XIRP2: variants seen among roughly 807,000 people sequenced by gnomAD.
XIRP2 encodes the protein xin actin binding repeat containing 2, also known as xin actin-binding repeat-containing protein 2.
XIRP2 carries 236 observed loss-of-function variants against 277.0 expected under a neutral mutation model. The observed-to-expected ratio is 0.85, with a 90% confidence interval of 0.77 to 0.95. The LOEUF is 0.95. Among genes scored for constraint, XIRP2 ranks in the 40% least tolerant of loss-of-function variants. The pLI, the probability that XIRP2 is intolerant of heterozygous loss-of-function variation, is 0.00. For missense variants in XIRP2, 4,640 were observed against 4,157.5 expected (o/e 1.12, Z -3.19); for synonymous variants, 1,490 against 1,416.5 (o/e 1.05, Z -1.17).
intron 2 of XIRP2, among the ~76,000 whole-genome samples, chr2:167,010,266 C>T: frequency 6.6e-6 from 1 of 151,902 alleles, no homozygotes; most frequent in Non-Finnish European, 1.5e-5. Flanking sequence ...AGGAAGGGAT[C>T]CAGTTTCAGC....
At position 167,244,494 on chromosome 2, in the gene XIRP2, T is replaced by G; in HGVS notation, c.3102T>G (p.His1034Gln). ...RPIDQFDESI[H>Q]KFQIIRGISA... ...TTGACCAGTTTGATGAAAGCATTCA[T>G]AAATTTCAAATAATTAGAGGAATAT... is the stretch of plus-strand genomic sequence containing the variant. Residue 1034 changes from histidine to glutamine, a missense_variant, in exon 9 of 11, where the codon CAT (histidine) becomes CAG (glutamine). Physicochemically the swap from His to Gln is conservative, Grantham distance 24. Transcript: ENST00000409195. The G allele has an allele frequency of 6.2e-7, 1 of 1,613,734 alleles. No homozygotes were observed.
Position 167,135,912 on chromosome 2 carries a change from G to A in XIRP2, c.412G>A (p.Val138Met). 2 of 1,597,584 alleles carry A rather than the reference G, an allele frequency of 1.3e-6. No homozygotes were observed. Among genetic ancestry groups the A allele is most frequent in the Non-Finnish European group, 1.7e-6 (2 of 1,172,690 alleles). Residue 138 changes from valine (V) to methionine (M), a missense_variant, in exon 3 of 11, where the codon GTG becomes ATG. Coordinates refer to ENST00000409195, the MANE Select transcript of XIRP2 (RefSeq NM_152381.6). ...ACCCTTTAATGTCTTGTAACAGGAAGTGGAAATTGAGCGAAGTTTGTGCTC... is the reference window on the plus strand; with the variant it reads ...ACCCTTTAATGTCTTGTAACAGGAAATGGAAATTGAGCGAAGTTTGTGCTC... Reference protein sequence around the residue: ...NKPAEYGGKEVEIERSLCSPA... With the variant: ...NKPAEYGGKEMEIERSLCSPA...
At chr2:167,207,042 G>A (rs745745940) in intron 3 of XIRP2, among the ~76,000 whole-genome samples, 7 of 152,060 alleles carry the variant, frequency 4.6e-5, no homozygotes, top group Non-Finnish European at 7.4e-5. Context: ...CTAGCTCTAT[G>A]TATCAAGCCA....
At chr2:166,964,838 T>G (rs972707663) in intron 2 of XIRP2, among the ~76,000 whole-genome samples, 1 of 151,860 alleles carries the variant, frequency 6.6e-6, no homozygotes, top group African/African-American at 2.4e-5. Flanking sequence ...TAGTTGCCCT[T>G]TCTGATCTAC....
chr2:167,214,099 AAGGAAG>A (rs1694149427), intron 4 of XIRP2, among the ~76,000 whole-genome samples: 1 of 107,868 alleles, frequency 9.3e-6, no homozygotes, highest in African/African-American at 4.5e-5. Flanking sequence ...AGAAAGAAGG[AAGGAAG>A]GAAGGAAGGA....
chr2:167,245,082 T>C lies in XIRP2; in HGVS notation c.3690T>C (p.Asp1230=), dbSNP rs749345627. ...LKKIKTLKTE[D]IQKGNVLNCR... ...AGATCAAAACCTTAAAAACTGAAGATATTCAGAAAGGCAATGTTTTAAATT... is the reference window on the plus strand; with the variant it reads ...AGATCAAAACCTTAAAAACTGAAGACATTCAGAAAGGCAATGTTTTAAATT... Residue 1230 remains aspartate, a synonymous_variant, in exon 9 of 11, where the codon GAT becomes GAC. Transcript: ENST00000409195. The C allele has an allele frequency of 8.1e-6, 13 of 1,610,190 alleles. No homozygotes were observed. Among genetic ancestry groups the C allele is most frequent in the Non-Finnish European group, 1.1e-5 (13 of 1,178,906 alleles).
At chr2:167,045,279 A>T (rs1688759219) in intron 2 of XIRP2, among the ~76,000 whole-genome samples, 1 of 151,446 alleles carries the variant, frequency 6.6e-6, no homozygotes, top group Admixed American at 6.6e-5. Flanking sequence ...TTAAGCATAA[A>T]ACCTAAAACT....
Position 167,241,773 on chromosome 2 carries a change from G to T in XIRP2, c.1043-4G>T. On this transcript the variant is annotated splice_polypyrimidine_tract_variant and splice_region_variant and intron_variant, in intron 7 of 10. Coordinates refer to ENST00000409195, the MANE Select transcript of XIRP2 (RefSeq NM_152381.6). ...GTAACCCTGGTGTGTTTTTCTGTTT[G>T]TAGTCATTGATACACCTGAGGATGA... The T allele has an allele frequency of 6.3e-7, 1 of 1,598,694 alleles. No individual in the cohort carries two copies. Among genetic ancestry groups the T allele is most frequent in the Non-Finnish European group, 8.5e-7 (1 of 1,174,740 alleles).
chr2:167,243,020 G>A lies in XIRP2; in HGVS notation c.1628G>A (p.Arg543Gln), dbSNP rs371321540. ...GTCTCAGCAGATGTGCAACAAGCCC[G>A]GTATGTTTTTGAAAACACAAATGAC... ...SSVSADVQQA[R>Q]YVFENTNDSS... The change falls in exon 9 of 11, where the codon CGG becomes CAG. Residue 543 changes from arginine (R) to glutamine (Q), a missense_variant. Arg to Gln is a conservative substitution (Grantham distance 43). Transcript: ENST00000409195. 3.0e-5 allele frequency: 49 copies of A among 1,613,876 alleles called. No individual in the cohort carries two copies. The African/African-American group carries it at 3.6e-4, about 12-fold the overall frequency.
chr2:166,944,288 A>G (rs1685795953), intron 2 of XIRP2, among the ~76,000 whole-genome samples: 1 of 152,222 alleles, frequency 6.6e-6, no homozygotes, highest in Non-Finnish European at 1.5e-5. Context: ...AGAAGCAATT[A>G]TGGTTTGTTA....
intron 2 of XIRP2, among the ~76,000 whole-genome samples, chr2:166,979,716 G>T (rs749534376): frequency 1.3e-5 from 2 of 151,958 alleles, no homozygotes; most frequent in African/African-American, 2.4e-5. Context: ...AGCAAACCTT[G>T]CATTTTAAAG....
In XIRP2 at chr2:166,965,145, G is replaced by C. The variant is rs558982723; in HGVS notation, c.408+61255G>C. On this transcript the variant is annotated intron_variant, in intron 2 of 10. Transcript: ENST00000409195. Reference sequence around the variant, plus strand: ...ATTCAGTGAACAAATTAGTCATGTGGCCCAATAATAAGGGGCAGTTCTAAT... The same window carrying C: ...ATTCAGTGAACAAATTAGTCATGTGCCCCAATAATAAGGGGCAGTTCTAAT... Among the ~76,000 whole-genome samples the C allele has an allele frequency of 3.6e-4, 55 of 151,976 alleles. 1 individual carries two copies. The East Asian group carries it at 0.011, about 29-fold the overall frequency.
intron 2 of XIRP2, among the ~76,000 whole-genome samples, chr2:167,089,065 T>A (rs1395872459): frequency 6.6e-6 from 1 of 152,182 alleles, no homozygotes; most frequent in Non-Finnish European, 1.5e-5. Flanking sequence ...GTTACCCTGC[T>A]ACCACAATCC....
intron 2 of XIRP2, among the ~76,000 whole-genome samples, chr2:166,904,884 A>C (rs928791044): frequency 2.0e-5 from 3 of 152,102 alleles, no homozygotes; most frequent in African/African-American, 7.2e-5. Context: ...AGAAGCCATC[A>C]CAGAAATAGA....
chr2:167,234,685 T>A (rs1356073404), intron 5 of XIRP2, among the ~76,000 whole-genome samples: 10 of 151,836 alleles, frequency 6.6e-5, no homozygotes, highest in Non-Finnish European at 1.0e-4. Context: ...AGAGTTACTA[T>A]TGAATTAAGT....
At chr2:166,997,230 C>T (rs1687244918) in intron 2 of XIRP2, among the ~76,000 whole-genome samples, 2 of 152,138 alleles carry the variant, frequency 1.3e-5, no homozygotes, top group African/African-American at 2.4e-5. Flanking sequence ...TTATTCTTTA[C>T]TACATTCTTA....
chr2:166,892,979 TATACACAC>T (rs1187311694), intron 1 of XIRP2, among the ~76,000 whole-genome samples: 1 of 145,890 alleles, frequency 6.9e-6, no homozygotes, highest in Middle Eastern at 3.3e-3. Context: ...TATATATGTA[TATACACAC>T]ACACACACAC....
At chr2:167,205,118 C>A (rs1025226525) in intron 3 of XIRP2, among the ~76,000 whole-genome samples, 1 of 152,106 alleles carries the variant, frequency 6.6e-6, no homozygotes, top group Admixed American at 6.6e-5. Context: ...TTTCAGGATG[C>A]CTTTCCTGAC....
intron 1 of XIRP2, among the ~76,000 whole-genome samples, chr2:166,900,000 T>C (rs1435766867): frequency 6.6e-6 from 1 of 152,030 alleles, no homozygotes; most frequent in Non-Finnish European, 1.5e-5. Context: ...TGAAATTAGA[T>C]TATGATGTGT....
Sources: allele counts gnomAD v4.1 joint callset (sites outside exome capture counted in the v4.1 genomes callset), GRCh38; gene constraint gnomAD v4.1.1; transcripts MANE v1.5; gene names NCBI Gene and HGNC (gene_info 2026-07-23, HGNC 2026-07-21).